The following SHANK2 variants were observed in gnomAD, a reference collection of about 807,000 sequenced individuals.
SHANK2 encodes SH3 and multiple ankyrin repeat domains protein 2.
In SHANK2, 43 loss-of-function variants were observed where a neutral mutation model predicts 133.7. The observed-to-expected ratio is 0.32, with a 90% confidence interval of 0.25 to 0.41. SHANK2 has a LOEUF of 0.41. SHANK2 is among the 10% of genes least tolerant of loss of function. The probability of loss-of-function intolerance (pLI) is 1.00; values close to 1 mark genes in which losing one functional copy is unlikely to be tolerated. For synonymous variants in SHANK2, 1,017 were observed against 952.8 expected (o/e 1.07, Z -1.24); for missense variants, 1,994 against 2,235.8 (o/e 0.89, Z 2.18).
chr11:71,247,862 T>C (rs1203132539), intron 1 of SHANK2, among the ~76,000 whole-genome samples: 3 of 152,088 alleles, frequency 2.0e-5, no homozygotes, highest in Non-Finnish European at 2.9e-5. Flanking sequence ...TTTAAAACAC[T>C]GTCCCCAGTC....
chr11:70,801,308 G>T (rs1948039538), intron 13 of SHANK2, among the ~76,000 whole-genome samples: 1 of 152,248 alleles, frequency 6.6e-6, no homozygotes, highest in South Asian at 2.1e-4. Context: ...GTGACGTGCT[G>T]CAAGGGGTCC....
At chr11:70,863,905 C>G (rs1555068469) in intron 11 of SHANK2, 1 of 454,858 alleles carries the variant, frequency 2.2e-6, no homozygotes, top group South Asian at 1.6e-5. Flanking sequence ...CCTGGGACAC[C>G]CTAATCACAG....
chr11:70,884,182 C>T (rs1590795088), intron 11 of SHANK2, among the ~76,000 whole-genome samples: 1 of 152,204 alleles, frequency 6.6e-6, no homozygotes, highest in Non-Finnish European at 1.5e-5. Flanking sequence ...GGCTGGCATC[C>T]ACCCCACCAG....
intron 12 of SHANK2, 67 bp downstream of exon 12, chr11:70,820,297 A>C (rs1555055476): frequency 1.7e-6 from 1 of 591,444 alleles, no homozygotes; most frequent in African/African-American, 1.9e-5. Context: ...GGGCCACCCC[A>C]AGTTGGAGGA....
intron 11 of SHANK2, among the ~76,000 whole-genome samples, chr11:70,876,610 C>T (rs937783191): frequency 2.6e-5 from 4 of 151,400 alleles, no homozygotes; most frequent in Non-Finnish European, 5.9e-5. Flanking sequence ...CACACACACA[C>T]GCACACACAC....
At chr11:70,899,983 G>T (rs1372938358) in intron 10 of SHANK2, among the ~76,000 whole-genome samples, 1 of 152,204 alleles carries the variant, frequency 6.6e-6, no homozygotes, top group Non-Finnish European at 1.5e-5. Context: ...TGTGAAATAG[G>T]TTTGGTGTGT....
At chr11:71,244,485 C>G (rs913692348) in intron 1 of SHANK2, among the ~76,000 whole-genome samples, 1 of 152,214 alleles carries the variant, frequency 6.6e-6, no homozygotes, top group African/African-American at 2.4e-5. Context: ...CCAGCCTATT[C>G]GAGAGATCTA....
intron 1 of SHANK2, among the ~76,000 whole-genome samples, chr11:71,233,147 CAA>C (rs59302792): frequency 5.4e-5 from 8 of 147,296 alleles, no homozygotes; most frequent in East Asian, 2.0e-4. Context: ...CCATCTCTAC[CAA>C]AAAAAAAAAG....
chr11:70,658,246 GACACACACACACACACAGACACACAC>G (rs2061433504), intron 17 of SHANK2, among the ~76,000 whole-genome samples: 1 of 121,876 alleles, frequency 8.2e-6, no homozygotes. Context: ...CACACACACA[GACACACACACACACACAGACACACAC>G]ACACACACAG....
At chr11:70,848,256 T>C (rs1397894005) in intron 11 of SHANK2, among the ~76,000 whole-genome samples, 1 of 152,134 alleles carries the variant, frequency 6.6e-6, no homozygotes, top group Non-Finnish European at 1.5e-5. Flanking sequence ...CAGCAACGAG[T>C]TCCTATTTTA....
In SHANK2 at chr11:70,758,737, C is replaced by T. The variant is rs559893571; in HGVS notation, c.1777+39706G>A. Reference sequence around the variant, plus strand: ...CTCTCCCAGCCTCTGGGGCTGCTGGCACCCCTCAGCAGTCCCTGGCTTGTG... The same window carrying T: ...CTCTCCCAGCCTCTGGGGCTGCTGGTACCCCTCAGCAGTCCCTGGCTTGTG... On this transcript the variant is annotated intron_variant, in intron 14 of 25. Transcript: ENST00000601538. Among the ~76,000 whole-genome samples the T allele has an allele frequency of 2.4e-4, 36 of 152,368 alleles. 1 individual carries two copies. Among genetic ancestry groups the T allele is most frequent in the Middle Eastern group, 3.4e-3 (1 of 294 alleles).
chr11:70,817,597 C>T (rs555730365), intron 12 of SHANK2, among the ~76,000 whole-genome samples: 3 of 152,250 alleles, frequency 2.0e-5, no homozygotes, highest in African/African-American at 4.8e-5. Context: ...CAGTCTTGGC[C>T]GAGCTCTGGG....
At chr11:70,494,621 G>C (rs564605109) in intron 21 of SHANK2, among the ~76,000 whole-genome samples, 1 of 152,282 alleles carries the variant, frequency 6.6e-6, no homozygotes, top group South Asian at 2.1e-4. Context: ...AAACAAGGAT[G>C]GGGAAGAAAA....
At chr11:71,089,336 T>C (rs1488521943) in intron 8 of SHANK2, among the ~76,000 whole-genome samples, 1 of 152,014 alleles carries the variant, frequency 6.6e-6, no homozygotes, top group African/African-American at 2.4e-5. Context: ...GGCGTGAGCG[T>C]CTGCATGGCC....
chr11:70,512,219 C>T (rs2059213256), intron 17 of SHANK2, among the ~76,000 whole-genome samples: 1 of 152,176 alleles, frequency 6.6e-6, no homozygotes, highest in Admixed American at 6.5e-5. Context: ...CAGCTGCCAG[C>T]AATAATCTCC....
At chr11:70,844,708 G>A (rs1948969093) in intron 11 of SHANK2, among the ~76,000 whole-genome samples, 2 of 152,176 alleles carry the variant, frequency 1.3e-5, no homozygotes, top group Non-Finnish European at 2.9e-5. Context: ...CTTTCCCCAT[G>A]ATCAATAACA....
At chr11:71,181,776 C>T (rs1049608156) in intron 2 of SHANK2, among the ~76,000 whole-genome samples, 13 of 152,270 alleles carry the variant, frequency 8.5e-5, no homozygotes, top group East Asian at 5.8e-4. Context: ...CAATCCTGGA[C>T]GCCGTCAGAG....
chr11:70,502,318 C>T, intron 18 of SHANK2, 32 bp from the exon 19 acceptor site: 1 of 1,540,694 alleles, frequency 6.5e-7, no homozygotes, highest in Non-Finnish European at 8.8e-7. Flanking sequence ...GGTGTGAGAC[C>T]CCAGCCCATG....
chr11:71,073,147 CTTTTTTTTCTTTTTTTTCTTTTTTTTTTT>C (rs1417091433), intron 9 of SHANK2, among the ~76,000 whole-genome samples: 6,693 of 62,772 alleles, frequency 0.11, 308 homozygotes, highest in Non-Finnish European at 0.19. Context: ...TTTTTCTTTT[CTTTTTTTTCTTTTTTTTCTTTTTTTTTTT>C]GAGATAGAGT....
Sources: gnomAD v4.1 joint callset for allele counts (sites outside exome capture counted in the v4.1 genomes callset) on GRCh38, gnomAD v4.1.1 for gene constraint, MANE v1.5 for transcripts, NCBI Gene and HGNC (gene_info 2026-07-23, HGNC 2026-07-21) for gene names.